MTUS2: variants seen among roughly 807,000 people sequenced by gnomAD.
MTUS2 encodes the protein microtubule-associated tumor suppressor candidate 2.
A neutral mutation model predicts 114.1 loss-of-function variants in MTUS2; 40 were observed. That is an observed-to-expected ratio of 0.35 (90% CI 0.27 to 0.46). The LOEUF (loss-of-function observed/expected upper bound fraction) is 0.46, where lower values mean the gene tolerates loss of function less well. MTUS2 is among the 20% of genes least tolerant of loss of function. MTUS2 has a pLI of 1.00. For synonymous variants in MTUS2, 688 were observed against 672.0 expected, an observed-to-expected ratio of 1.02 and a Z score of -0.37; for missense variants, 1,679 against 1,705.4, an observed-to-expected ratio of 0.98 and a Z score of 0.27.
intron 7 of MTUS2, among the ~76,000 whole-genome samples, chr13:29,325,391 G>A (rs1479272671): frequency 2.0e-5 from 3 of 151,150 alleles, no homozygotes; most frequent in African/African-American, 4.9e-5. Context: ...GAGAGGTGGA[G>A]GTTGCAGTGA....
chr13:29,000,106 G>T (rs75690654), intron 2 of MTUS2, among the ~76,000 whole-genome samples: 2 of 152,174 alleles, frequency 1.3e-5, no homozygotes, highest in African/African-American at 4.8e-5. Flanking sequence ...TGTTTTTGAC[G>T]TATTGCTTTC....
In MTUS2 at chr13:28,938,803, C is replaced by T. The variant is rs193219428; in HGVS notation, c.-242-85654C>T. ...CAGCGAGTTAAGTGCTTCGGGCGTACTGAGACTTTAAATTTAAGACATTGT... is the reference window on the plus strand; with the variant it reads ...CAGCGAGTTAAGTGCTTCGGGCGTATTGAGACTTTAAATTTAAGACATTGT... On this transcript the variant is annotated intron_variant, in intron 2 of 15. Transcript: ENST00000612955. Among the ~76,000 whole-genome samples, 11 of 152,216 alleles carry T rather than the reference C, an allele frequency of 7.2e-5. No homozygotes were observed. In the East Asian group the frequency reaches 2.1e-3, roughly 29 times the overall value.
At chr13:28,968,831 T>C (rs1348062438) in intron 2 of MTUS2, among the ~76,000 whole-genome samples, 1 of 152,182 alleles carries the variant, frequency 6.6e-6, no homozygotes. Flanking sequence ...CTCATTATCA[T>C]GTAAAGGATT....
intron 1 of MTUS2, among the ~76,000 whole-genome samples, chr13:28,829,990 G>A (rs1338758239): frequency 3.9e-5 from 6 of 152,142 alleles, no homozygotes; most frequent in African/African-American, 1.4e-4. Context: ...ACCTGCTGGA[G>A]TGTTAAAAGC....
chr13:28,924,195 C>A (rs1205221499), intron 2 of MTUS2, among the ~76,000 whole-genome samples: 1 of 152,090 alleles, frequency 6.6e-6, no homozygotes, highest in Non-Finnish European at 1.5e-5. Context: ...TTATACAGTC[C>A]TAGGTAGGTC....
At chr13:29,216,017 G>A (rs989502219) in intron 5 of MTUS2, among the ~76,000 whole-genome samples, 7 of 152,180 alleles carry the variant, frequency 4.6e-5, no homozygotes, top group East Asian at 1.9e-4. Context: ...CAGGGAGATC[G>A]GAGTTTTATC....
At chr13:29,385,650 T>G (rs1019969272) in intron 8 of MTUS2, among the ~76,000 whole-genome samples, 1 of 152,012 alleles carries the variant, frequency 6.6e-6, no homozygotes, top group African/African-American at 2.4e-5. Context: ...TTCCTGGTTG[T>G]TGTCTGTCCT....
intron 1 of MTUS2, among the ~76,000 whole-genome samples, chr13:28,834,427 C>T (rs888900348): frequency 1.6e-4 from 24 of 152,032 alleles, no homozygotes; most frequent in Non-Finnish European, 3.1e-4. Context: ...TAATTCAATT[C>T]AAGAAAGAAT....
intron 5 of MTUS2, among the ~76,000 whole-genome samples, chr13:29,147,314 G>A (rs1452649804): frequency 1.3e-5 from 2 of 152,158 alleles, no homozygotes; most frequent in African/African-American, 4.8e-5. Context: ...TATGATTTTA[G>A]CAGTCATAAG....
intron 2 of MTUS2, among the ~76,000 whole-genome samples, chr13:29,013,339 T>C (rs1461965711): frequency 4.0e-5 from 6 of 151,874 alleles, no homozygotes; most frequent in African/African-American, 1.5e-4. Flanking sequence ...CACCGACTCT[T>C]GGTGGTCAAA....
intron 5 of MTUS2, among the ~76,000 whole-genome samples, chr13:29,228,757 G>A (rs1411338985): frequency 3.9e-5 from 6 of 151,980 alleles, no homozygotes; most frequent in Admixed American, 3.3e-4. Flanking sequence ...AGAAGGGGGG[G>A]AAGAAAACAT....
At chr13:29,204,245 A>T (rs1593599045) in intron 5 of MTUS2, among the ~76,000 whole-genome samples, 1 of 152,154 alleles carries the variant, frequency 6.6e-6, no homozygotes, top group African/African-American at 2.4e-5. Flanking sequence ...GGCATTAACC[A>T]CCATGCCCGG....
At chr13:28,838,133 G>A (rs1296980162) in intron 1 of MTUS2, among the ~76,000 whole-genome samples, 1 of 152,104 alleles carries the variant, frequency 6.6e-6, no homozygotes, top group East Asian at 1.9e-4. Flanking sequence ...AGATTAAAAA[G>A]TTTATTTTGC....
intron 5 of MTUS2, among the ~76,000 whole-genome samples, chr13:29,256,203 TAC>T (rs1897278909): frequency 6.6e-6 from 1 of 152,230 alleles, no homozygotes; most frequent in Non-Finnish European, 1.5e-5. Flanking sequence ...GTTGTCGTGA[TAC>T]AGAGCTTATC....
Position 29,009,740 on chromosome 13 carries a change from ATGTTTTCTTT to A in MTUS2, c.-242-14716_-242-14707del, listed in dbSNP as rs1222617521. The stretch of plus-strand genomic sequence containing the variant: ...GAAAATCTTTTTAAAAGGTTTTCTT[ATGTTTTCTTT>A]ATTTTTTTAGTGCCTTTTTTCATTT... On this transcript the variant is annotated intron_variant, in intron 2 of 15. Coordinates refer to ENST00000612955, the MANE Select transcript of MTUS2 (RefSeq NM_001033602.4). Among the ~76,000 whole-genome samples, 11 of 113,100 alleles carry A rather than the reference ATGTTTTCTTT, an allele frequency of 9.7e-5. 1 individual carries two copies. The highest frequency in any genetic ancestry group is 2.2e-4 in the African/African-American group (7 of 31,626). 74.2% of individuals were successfully genotyped at this position (113,100 alleles called of 152,430 possible).
At chr13:28,921,058 C>G (rs565756860) in intron 2 of MTUS2, among the ~76,000 whole-genome samples, 1 of 152,250 alleles carries the variant, frequency 6.6e-6, no homozygotes, top group Non-Finnish European at 1.5e-5. Context: ...TGCAGCTGAG[C>G]TGGTACCTGA....
chr13:29,308,520 A>G (rs371657673), intron 6 of MTUS2, among the ~76,000 whole-genome samples: 228 of 152,364 alleles, frequency 1.5e-3, no homozygotes, highest in African/African-American at 5.4e-3. Flanking sequence ...TGAAAACACC[A>G]AAAGCAATTG....
At chr13:29,306,111 T>C (rs1041414477) in intron 6 of MTUS2, among the ~76,000 whole-genome samples, 2 of 152,234 alleles carry the variant, frequency 1.3e-5, no homozygotes, top group African/African-American at 2.4e-5. Flanking sequence ...AAACTCTCGA[T>C]AAACTAGGTA....
intron 5 of MTUS2, among the ~76,000 whole-genome samples, chr13:29,265,154 C>T (rs943055167): frequency 6.6e-6 from 1 of 152,218 alleles, no homozygotes; most frequent in East Asian, 1.9e-4. Flanking sequence ...TGAGAAATTT[C>T]TTCCACCAAA....
Sources: gnomAD v4.1 joint callset for allele counts (sites outside exome capture counted in the v4.1 genomes callset) on GRCh38, gnomAD v4.1.1 for gene constraint, MANE v1.5 for transcripts, NCBI Gene and HGNC (gene_info 2026-07-23, HGNC 2026-07-21) for gene names.